Variants in ZBTB46 observed in about 807,000 individuals in gnomAD.
ZBTB46 encodes the protein zinc finger and BTB domain-containing protein 46.
In ZBTB46, 8 loss-of-function variants were observed where a neutral mutation model predicts 44.1. That is an observed-to-expected ratio of 0.18 (90% CI 0.11 to 0.33). The LOEUF (loss-of-function observed/expected upper bound fraction) is 0.33. ZBTB46 is among the 10% of genes least tolerant of loss of function. The pLI, the probability that ZBTB46 is intolerant of heterozygous loss-of-function variation, is 1.00. For missense variants in ZBTB46, 651 were observed against 847.7 expected, an observed-to-expected ratio of 0.77 and a Z score of 2.88; for synonymous variants, 409 against 382.3, an observed-to-expected ratio of 1.07 and a Z score of -0.81.
At chr20:63,757,538 G>A (rs1359966117) in intron 3 of ZBTB46, among the ~76,000 whole-genome samples, 1 of 152,152 alleles carries the variant, frequency 6.6e-6, no homozygotes, top group Non-Finnish European at 1.5e-5. Context: ...ACGGGCCCTG[G>A]CGGCGTGTCT....
chr20:63,809,587 G>A (rs1372344742), intron 1 of ZBTB46, among the ~76,000 whole-genome samples: 1 of 152,212 alleles, frequency 6.6e-6, no homozygotes, highest in Non-Finnish European at 1.5e-5. Context: ...CCGTGTGGTG[G>A]CCAGTGTGGC....
At chr20:63,765,412 C>T (rs1042309806) in intron 3 of ZBTB46, among the ~76,000 whole-genome samples, 15 of 152,134 alleles carry the variant, frequency 9.9e-5, no homozygotes, top group Admixed American at 6.5e-4. Context: ...GCCCCCTTCC[C>T]GGGTAGGTTA....
chr20:63,778,796 GAACTA>G (rs1171979961), intron 2 of ZBTB46, among the ~76,000 whole-genome samples: 1 of 152,110 alleles, frequency 6.6e-6, no homozygotes, highest in African/African-American at 2.4e-5. Flanking sequence ...GCATTTCTAG[GAACTA>G]AATATACAGG....
chr20:63,806,419 A>AAAAAGAAAG (rs2092681913), intron 1 of ZBTB46, among the ~76,000 whole-genome samples: 1 of 145,688 alleles, frequency 6.9e-6, no homozygotes, highest in Non-Finnish European at 1.5e-5. Flanking sequence ...AAAAAAAAAA[A>AAAAAGAAAG]AAAAGAAAGA....
intron 3 of ZBTB46, among the ~76,000 whole-genome samples, chr20:63,759,013 T>C (rs967941208): frequency 1.3e-5 from 2 of 152,202 alleles, no homozygotes; most frequent in South Asian, 4.1e-4. Context: ...ATGACAGGCG[T>C]GAGCCATGGT....
intron 2 of ZBTB46, among the ~76,000 whole-genome samples, chr20:63,779,225 TTTAA>T (rs565259117): frequency 5.4e-4 from 18 of 33,182 alleles, no homozygotes; most frequent in South Asian, 2.7e-3. Context: ...TTTTATTTTA[TTTAA>T]TTAATTAATT....
intron 1 of ZBTB46, among the ~76,000 whole-genome samples, chr20:63,822,127 T>C (rs942905221): frequency 6.6e-6 from 1 of 152,132 alleles, no homozygotes; most frequent in Admixed American, 6.6e-5. Flanking sequence ...TTTAGAAACA[T>C]GAACACAGCC....
At chr20:63,778,124 G>T (rs6122170) in intron 2 of ZBTB46, among the ~76,000 whole-genome samples, 82,155 of 151,638 alleles carry the variant, frequency 0.54, 22,418 homozygotes, top group South Asian at 0.62. Context: ...ACAGGATGCT[G>T]TGAATATACC....
intron 2 of ZBTB46, among the ~76,000 whole-genome samples, chr20:63,778,079 G>A (rs564356109): frequency 6.6e-6 from 1 of 152,276 alleles, no homozygotes; most frequent in South Asian, 2.1e-4. Flanking sequence ...CCTCTGAGCC[G>A]AGGAAAATGT....
chr20:63,765,049 G>A (rs1256941015), intron 3 of ZBTB46, among the ~76,000 whole-genome samples: 3 of 7,288 alleles, frequency 4.1e-4, no homozygotes, highest in Admixed American at 1.3e-3. Flanking sequence ...GCGTGCGTGT[G>A]TGTGTATGTT....
intron 4 of ZBTB46, among the ~76,000 whole-genome samples, chr20:63,749,050 C>A (rs2092133389): frequency 6.6e-6 from 1 of 152,262 alleles, no homozygotes; most frequent in Admixed American, 6.5e-5. Context: ...CCTTCTAGAC[C>A]CGCTTCCTTG....
intron 3 of ZBTB46, 90 bp downstream of exon 3, chr20:63,775,588 C>T (rs1365262004): frequency 1.4e-6 from 2 of 1,479,900 alleles, no homozygotes; most frequent in Non-Finnish European, 1.8e-6. Flanking sequence ...GGGACAGACC[C>T]TCAGCCTCAT....
At position 63,746,763 on chromosome 20, in the gene ZBTB46, A is replaced by G; in HGVS notation, c.*167T>C. ...AGAGCACCCCTCTTGCTGGGGTCGC[A>G]CCTGCTTAGCCCGCAGGGCTGGTTT... On this transcript the variant is annotated 3_prime_UTR_variant, in exon 5 of 5. Coordinates refer to ENST00000245663, the MANE Select transcript of ZBTB46 (RefSeq NM_001369741.1). 2 of 1,133,862 alleles carry G rather than the reference A, an allele frequency of 1.8e-6. No individual in the cohort carries two copies. The highest frequency in any genetic ancestry group is 2.4e-6 in the Non-Finnish European group (2 of 844,914). The allele number at this position is 1,133,862 out of a possible 1,614,324, so 70.2% of individuals were successfully genotyped here. A position where few individuals can be genotyped will look rare whatever the true frequency, so the allele number is the denominator to read the frequency against.
At chr20:63,833,409 G>C (rs538174361), upstream of ZBTB46, among the ~76,000 whole-genome samples, 1 of 152,280 alleles carries the variant, frequency 6.6e-6, no homozygotes, top group African/African-American at 2.4e-5. Flanking sequence ...GGCTAACACG[G>C]TGAAACCCCG....
intron 1 of ZBTB46, among the ~76,000 whole-genome samples, chr20:63,800,711 C>G (rs531497612): frequency 6.6e-6 from 1 of 152,332 alleles, no homozygotes; most frequent in South Asian, 2.1e-4. Flanking sequence ...GGAGGGTGTC[C>G]GCCAGCAGTG....
chr20:63,829,236 C>T (rs2092835414), intron 1 of ZBTB46, among the ~76,000 whole-genome samples: 1 of 152,172 alleles, frequency 6.6e-6, no homozygotes, highest in South Asian at 2.1e-4. Context: ...TCCACCCAAC[C>T]CGAACATCCG....
At position 63,747,200 on chromosome 20, in the gene ZBTB46, C is replaced by T; in HGVS notation, c.1500G>A (p.Val500=). Residue 500 remains valine (V), a synonymous_variant, in exon 5 of 5, where the codon GTG becomes GTA. Coordinates refer to ENST00000245663, the MANE Select transcript of ZBTB46 (RefSeq NM_001369741.1). ...TGCCGCGGCCAGCACAGTCGGTGCACACACCGTGGCGCCTGGAGCCATGCC... is the reference window on the plus strand; with the variant it reads ...TGCCGCGGCCAGCACAGTCGGTGCATACACCGTGGCGCCTGGAGCCATGCC... ...GIRHGSRRHG[V]CTDCAGRGMA... The T allele has an allele frequency of 6.2e-6, 10 of 1,605,444 alleles. No homozygotes were observed. The highest frequency in any genetic ancestry group is 8.5e-6 in the Non-Finnish European group (10 of 1,176,572).
upstream of ZBTB46, among the ~76,000 whole-genome samples, chr20:63,833,295 T>C (rs978720495): frequency 3.3e-5 from 5 of 152,324 alleles, no homozygotes; most frequent in East Asian, 7.7e-4. Context: ...CCTGTCTTGG[T>C]AGAAACTTGC....
Position 63,746,768 on chromosome 20 carries a change from C to G in ZBTB46, c.*162G>C. 1.7e-6 allele frequency: 2 copies of G among 1,193,314 alleles called. No homozygotes were observed. The highest frequency in any genetic ancestry group is 2.2e-6 in the Non-Finnish European group (2 of 896,008). The allele number at this position is 1,193,314 out of a possible 1,614,324, so 73.9% of individuals were successfully genotyped here. On this transcript the variant is annotated 3_prime_UTR_variant, in exon 5 of 5. Transcript: ENST00000245663. ...ACCCCTCTTGCTGGGGTCGCACCTG[C>G]TTAGCCCGCAGGGCTGGTTTCCGTG... is the stretch of plus-strand genomic sequence containing the variant.
Sources: gnomAD v4.1 joint callset for allele counts (sites outside exome capture counted in the v4.1 genomes callset) on GRCh38, gnomAD v4.1.1 for gene constraint, MANE v1.5 for transcripts, NCBI Gene and HGNC (gene_info 2026-07-23, HGNC 2026-07-21) for gene names.